The following CAPN13 variants were observed in gnomAD, a reference collection of about 807,000 sequenced individuals.
CAPN13 encodes calpain 13.
CAPN13 carries 90 observed loss-of-function variants against 98.4 expected under a neutral mutation model. That is an observed-to-expected ratio of 0.92 (90% CI 0.77 to 1.09). CAPN13 has a LOEUF of 1.09. Among genes scored for constraint, CAPN13 ranks in the 50% least tolerant of loss-of-function variants. The probability of loss-of-function intolerance (pLI) is 0.00; values close to 1 mark genes in which losing one functional copy is unlikely to be tolerated. For synonymous variants in CAPN13, 330 were observed against 305.5 expected, an observed-to-expected ratio of 1.08 and a Z score of -0.84; for missense variants, 887 against 841.3, an observed-to-expected ratio of 1.05 and a Z score of -0.67.
chr2:30,805,436 G>A (rs927922303), intron 1 of CAPN13, among the ~76,000 whole-genome samples: 1 of 152,106 alleles, frequency 6.6e-6, no homozygotes, highest in African/African-American at 2.4e-5. Context: ...TAAGTGCTAA[G>A]TAGCACTTAA....
chr2:30,750,100 G>A (rs1672099893), intron 11 of CAPN13, among the ~76,000 whole-genome samples: 1 of 152,034 alleles, frequency 6.6e-6, no homozygotes, highest in South Asian at 2.1e-4. Context: ...AAGAAAATGT[G>A]GTACATATAT....
chr2:30,801,913 T>A (rs1417270556), intron 1 of CAPN13, among the ~76,000 whole-genome samples: 1 of 152,172 alleles, frequency 6.6e-6, no homozygotes, highest in Admixed American at 6.5e-5. Flanking sequence ...AGATGTGAAT[T>A]CTCAAGGCAT....
intron 5 of CAPN13, among the ~76,000 whole-genome samples, chr2:30,768,720 C>A (rs1673235550): frequency 7.8e-6 from 1 of 128,776 alleles, no homozygotes; most frequent in Admixed American, 7.1e-5. Flanking sequence ...TATCCACATT[C>A]TTTTTCTCCT....
chr2:30,741,781 G>T, intron 15 of CAPN13, 127 bp downstream of exon 15: 5 of 1,530,564 alleles, frequency 3.3e-6, no homozygotes, highest in Non-Finnish European at 3.5e-6. Flanking sequence ...AGGAAGAGAG[G>T]CAGGTAAAAT....
intron 12 of CAPN13, among the ~76,000 whole-genome samples, chr2:30,744,253 A>G (rs1168053960): frequency 6.6e-6 from 1 of 152,222 alleles, no homozygotes; most frequent in Non-Finnish European, 1.5e-5. Flanking sequence ...ATGATTATTT[A>G]TGAGCTATGC....
At chr2:30,732,613 G>A in intron 19 of CAPN13, 47 bp from the exon 20 acceptor site, 1 of 1,573,996 alleles carries the variant, frequency 6.4e-7, no homozygotes, top group Non-Finnish European at 8.6e-7. Flanking sequence ...TAGGGCTCGG[G>A]GGTTCCTCTG....
intron 22 of CAPN13, among the ~76,000 whole-genome samples, chr2:30,728,212 T>C: frequency 6.6e-6 from 1 of 150,576 alleles, no homozygotes; most frequent in East Asian, 1.9e-4. Flanking sequence ...GGTTTCTTTT[T>C]TGTGGTGATA....
rs1197773175 is a variant in CAPN13, at chr2:30,741,894, G to T, written c.1536+14C>A. On this transcript the variant is annotated intron_variant, in intron 15 of 22. Transcript: ENST00000295055. ...CCAATCCCACGTAAGGCCCCTGGGT[G>T]CTAGGTACCATACCTGCTGAGCATA... is the stretch of plus-strand genomic sequence containing the variant. The T allele has an allele frequency of 1.2e-5, 19 of 1,613,844 alleles. No individual in the cohort carries two copies. Among genetic ancestry groups the T allele is most frequent in the East Asian group, 2.2e-5 (1 of 44,884 alleles).
rs767705155 is a variant in CAPN13 at position 30,732,423 on chromosome 2, C to A, written c.1927+15G>T. 3.0e-5 allele frequency: 49 copies of A among 1,612,762 alleles called. 1 individual carries two copies. In the Middle Eastern group the frequency reaches 2.5e-3, roughly 82 times the overall value. The stretch of plus-strand genomic sequence containing the variant: ...CACTGCCAAGGTCTCTGGGATGCCC[C>A]TTGGGGACACTTACTTGCCATGGCT... On this transcript the variant is annotated intron_variant, in intron 20 of 22. Transcript: ENST00000295055.
chr2:30,753,266 C>A, intron 9 of CAPN13, 68 bp from the exon 10 acceptor site: 1 of 1,530,990 alleles, frequency 6.5e-7, no homozygotes, highest in South Asian at 1.2e-5. Flanking sequence ...GTTCCTATGA[C>A]TTCACAGCAT....
intron 11 of CAPN13, 59 bp downstream of exon 11, chr2:30,751,044 C>T: frequency 6.3e-7 from 1 of 1,574,960 alleles, no homozygotes. Context: ...GCTGTTCTCC[C>T]CAACTCAAGG....
chr2:30,800,116 A>AAAAGAAAGAAAGAGAG (rs1675126837), intron 1 of CAPN13, among the ~76,000 whole-genome samples: 1 of 85,596 alleles, frequency 1.2e-5, no homozygotes, highest in Admixed American at 1.3e-4. Flanking sequence ...GAAAAGAAAG[A>AAAAGAAAGAAAGAGAG]AAAGAAAGAA....
chr2:30,797,274 C>T (rs931769732), intron 1 of CAPN13, among the ~76,000 whole-genome samples: 2 of 152,174 alleles, frequency 1.3e-5, no homozygotes, highest in African/African-American at 4.8e-5. Context: ...CTCCCAACCC[C>T]TAAGTTTCCC....
intron 22 of CAPN13, among the ~76,000 whole-genome samples, chr2:30,726,140 C>A (rs570298782): frequency 6.6e-6 from 1 of 152,178 alleles, no homozygotes; most frequent in African/African-American, 2.4e-5. Context: ...TAGCAACAAA[C>A]AAGACATACC....
rs369236743 is a variant in CAPN13 at position 30,777,651 on chromosome 2, A to T, written c.199-12T>A. The T allele has an allele frequency of 6.4e-7, 1 of 1,556,300 alleles. No individual in the cohort carries two copies. The highest frequency in any genetic ancestry group is 8.7e-7 in the Non-Finnish European group (1 of 1,145,272). On this transcript the variant is annotated splice_polypyrimidine_tract_variant and intron_variant, in intron 2 of 22. Transcript: ENST00000295055. ...CCCCCTGGTAGATCCTTTAGGAAAG[A>T]GGGAGAAAAGCTATGAACATCGTTT...
Position 30,764,172 on chromosome 2 carries a change from G to A in CAPN13, c.659C>T (p.Thr220Ile). Residue 220 changes from threonine (T) to isoleucine (I), a missense_variant, in exon 6 of 23, where the codon ACC becomes ATC. Thr to Ile is a moderately conservative substitution (Grantham distance 89). Coordinates refer to ENST00000295055, the MANE Select transcript of CAPN13 (RefSeq NM_144575.3). ...VDLVKAVKTATKAGSLITCAT... is the reference protein window; with the variant it reads ...VDLVKAVKTAIKAGSLITCAT... ...ACAGGTTATCAGGGAGCCTGCCTTG[G>A]TCGCTGTCTTCACTGCCTTCACCAG... 1 of 1,595,892 alleles carries A rather than the reference G, an allele frequency of 6.3e-7. No individual in the cohort carries two copies. Among genetic ancestry groups the A allele is most frequent in the Non-Finnish European group, 8.5e-7 (1 of 1,170,954 alleles).
At chr2:30,800,130 A>AAG (rs1675146760) in intron 1 of CAPN13, among the ~76,000 whole-genome samples, 1 of 142,912 alleles carries the variant, frequency 7.0e-6, no homozygotes, top group Non-Finnish European at 1.5e-5. Flanking sequence ...GAAAGAAAGA[A>AAG]AGAAAGAAAG....
At chr2:30,742,241 G>C in intron 14 of CAPN13, 85 bp downstream of exon 14, 1 of 1,434,418 alleles carries the variant, frequency 7.0e-7, no homozygotes, top group Non-Finnish European at 9.6e-7. Context: ...TGGGGGCAGC[G>C]GGAGGTGTAA....
chr2:30,796,039 A>G (rs1674838840), intron 1 of CAPN13, among the ~76,000 whole-genome samples: 2 of 151,474 alleles, frequency 1.3e-5, no homozygotes, highest in South Asian at 4.1e-4. Context: ...GTATTAGCAA[A>G]TATAGCTTTG....
Sources: allele counts gnomAD v4.1 joint callset (sites outside exome capture counted in the v4.1 genomes callset), GRCh38; gene constraint gnomAD v4.1.1; transcripts MANE v1.5; gene names NCBI Gene and HGNC (gene_info 2026-07-23, HGNC 2026-07-21).